The following ALLC variants were observed in gnomAD, a reference collection of about 807,000 sequenced individuals.
The protein encoded by ALLC is allantoicase.
ALLC carries 40 observed loss-of-function variants against 45.0 expected under a neutral mutation model. The observed-to-expected ratio is 0.89, with a 90% CI of 0.69 to 1.16. The LOEUF (loss-of-function observed/expected upper bound fraction) is 1.16. Among genes scored for constraint, ALLC ranks in the 50% most tolerant of loss-of-function variants. ALLC has a pLI of 0.00. For synonymous variants in ALLC, 176 were observed against 178.1 expected (o/e 0.99, Z 0.09); for missense variants, 488 against 493.1 (o/e 0.99, Z 0.10).
chr2:3,690,433 C>G (rs1572527676), intron 7 of ALLC, among the ~76,000 whole-genome samples: 1 of 8,290 alleles, frequency 1.2e-4, no homozygotes, highest in Non-Finnish European at 2.1e-4. Flanking sequence ...CTTCCCCTCC[C>G]CCCCTCCCCT....
At chr2:3,672,401 A>G (rs1202073221) in intron 2 of ALLC, among the ~76,000 whole-genome samples, 4 of 93,262 alleles carry the variant, frequency 4.3e-5, no homozygotes, top group South Asian at 3.6e-4. Flanking sequence ...CTCTGGCTCT[A>G]GTTAGACCTG....
chr2:3,659,875 GTCACGGCCCTT>G (rs1281052588), intron 1 of ALLC, among the ~76,000 whole-genome samples: 1 of 152,242 alleles, frequency 6.6e-6, no homozygotes, highest in Non-Finnish European at 1.5e-5. Context: ...AAAGACAAAT[GTCACGGCCCTT>G]TCACAGCAGA....
intron 7 of ALLC, among the ~76,000 whole-genome samples, chr2:3,686,270 G>C (rs1464466251): frequency 6.6e-6 from 1 of 150,794 alleles, no homozygotes; most frequent in Non-Finnish European, 1.5e-5. Context: ...CCTTTATTGA[G>C]AATGAGTTGG....
chr2:3,701,666 A>C, intron 11 of ALLC, 30 bp downstream of exon 11: 1 of 1,601,710 alleles, frequency 6.2e-7, no homozygotes, highest in East Asian at 2.2e-5. Context: ...CGGATCCAGC[A>C]CTCAGACTGT....
chr2:3,701,677 G>A (rs11681270), intron 11 of ALLC, 41 bp downstream of exon 11: 513,488 of 1,578,298 alleles, frequency 0.33, 85,427 homozygotes, highest in Middle Eastern at 0.43. Flanking sequence ...CTCAGACTGT[G>A]CTATTTCCCT....
intron 6 of ALLC, 37 bp from the exon 7 acceptor site, chr2:3,682,905 C>G (rs1335144358): frequency 9.3e-6 from 15 of 1,607,436 alleles, no homozygotes; most frequent in Non-Finnish European, 1.3e-5. Context: ...TTATTGTTTT[C>G]AAGAGCAATT....
At chr2:3,653,934 G>A (rs113513386), upstream of ALLC, among the ~76,000 whole-genome samples, 1,225 of 152,270 alleles carry the variant, frequency 8.0e-3, 9 homozygotes, top group East Asian at 0.027. The surrounding 1 kb of genome is among the most constrained non-coding windows in gnomAD (Gnocchi z 4.1). Context: ...ATTATCCCAC[G>A]ATTAATAGAT....
In ALLC at chr2:3,681,086, G is replaced by A. The variant is rs113000727; in HGVS notation, c.299-548G>A. Among the ~76,000 whole-genome samples the A allele has an allele frequency of 3.8e-3, 576 of 152,304 alleles. 1 individual carries two copies. The highest frequency in any genetic ancestry group is 0.012 in the African/African-American group (506 of 41,572). Reference sequence around the variant, plus strand: ...ACACTGAACATGCTATGTGCACAGCGCTGCATGAGGCTCTGTGGACACGAA... The same window carrying A: ...ACACTGAACATGCTATGTGCACAGCACTGCATGAGGCTCTGTGGACACGAA... On this transcript the variant is annotated intron_variant, in intron 5 of 11. Transcript: ENST00000252505.
the ALLC span, among the ~76,000 whole-genome samples, chr2:3,651,890 A>G: frequency 6.6e-6 from 1 of 152,126 alleles, no homozygotes; most frequent in African/African-American, 2.4e-5. Flanking sequence ...AGGCAACTCA[A>G]GGTCACTGCA....
At chr2:3,651,442 T>TGTGGTAGG in the ALLC span, among the ~76,000 whole-genome samples, 1 of 25,602 alleles carries the variant, frequency 3.9e-5, no homozygotes, top group African/African-American at 1.2e-4. Context: ...TGTGTGTGTG[T>TGTGGTAGG]TAGGAAGGGA....
chr2:3,671,163 C>T lies in ALLC; in HGVS notation c.6C>T (p.Asp2=), dbSNP rs1016998522. 1 of 1,611,618 alleles carries T rather than the reference C, an allele frequency of 6.2e-7. No homozygotes were observed. The highest frequency in any genetic ancestry group is 1.3e-5 in the African/African-American group (1 of 74,912). M[D]MASESVGGKI... is the part of the protein sequence containing the mutation. ...TTCTGGACTTCACCCAGCTGATGGA[C>T]ATGGCATCTGAATCCGTAGGAGGAA... is the stretch of plus-strand genomic sequence containing the variant. Residue 2 remains aspartate, a synonymous_variant, in exon 2 of 12, where the codon GAC becomes GAT. Coordinates refer to ENST00000252505, the MANE Select transcript of ALLC (RefSeq NM_018436.4).
intron 3 of ALLC, among the ~76,000 whole-genome samples, chr2:3,676,614 C>T (rs1295265673): frequency 6.6e-6 from 1 of 152,160 alleles, no homozygotes; most frequent in Admixed American, 6.5e-5. Flanking sequence ...ACCCAGGCCA[C>T]CCTCTTAGCT....
At chr2:3,646,001 TA>T in the ALLC span, among the ~76,000 whole-genome samples, 1 of 152,144 alleles carries the variant, frequency 6.6e-6, no homozygotes, top group Non-Finnish European at 1.5e-5. Flanking sequence ...CCTTGGAAGA[TA>T]AAGATAGTGT....
At chr2:3,695,603 G>C in intron 7 of ALLC, 114 bp from the exon 8 acceptor site, 1 of 1,185,408 alleles carries the variant, frequency 8.4e-7, no homozygotes, top group Non-Finnish European at 1.2e-6. Context: ...CAGCAGGTGG[G>C]TGTGGCCAAA....
At chr2:3,654,550 A>T (rs1666400368), upstream of ALLC, among the ~76,000 whole-genome samples, 3 of 152,318 alleles carry the variant, frequency 2.0e-5, no homozygotes, top group South Asian at 6.2e-4. Context: ...AAGCTAGTTC[A>T]TCTGACCCAC....
intron 1 of ALLC, 73 bp from the exon 2 acceptor site, chr2:3,671,023 G>T: frequency 2.4e-6 from 2 of 827,970 alleles, no homozygotes; most frequent in Non-Finnish European, 3.9e-6. Context: ...AAATCTTAGC[G>T]TCAGGAGCCT....
intron 7 of ALLC, among the ~76,000 whole-genome samples, chr2:3,692,757 G>C (rs1271159159): frequency 6.6e-6 from 1 of 152,148 alleles, no homozygotes; most frequent in Non-Finnish European, 1.5e-5. Context: ...GTTTCCTCTG[G>C]CTGAGTTACA....
At chr2:3,660,232 C>G (rs1294700770) in intron 1 of ALLC, among the ~76,000 whole-genome samples, 1 of 152,334 alleles carries the variant, frequency 6.6e-6, no homozygotes, top group South Asian at 2.1e-4. Flanking sequence ...GCTTCCTCTT[C>G]TGCCCTGTGG....
chr2:3,697,503 T>G (rs1026082060), intron 10 of ALLC, 47 bp downstream of exon 10: 1 of 1,485,960 alleles, frequency 6.7e-7, no homozygotes, highest in Non-Finnish European at 9.4e-7. Flanking sequence ...GTTTGTTTAT[T>G]CTAAAGACTG....
Sources: allele counts gnomAD v4.1 joint callset (sites outside exome capture counted in the v4.1 genomes callset), GRCh38; gene constraint gnomAD v4.1.1; non-coding constraint Gnocchi (gnomAD v3.1); transcripts MANE v1.5; gene names NCBI Gene and HGNC (gene_info 2026-07-23, HGNC 2026-07-21).